Variants in SLC39A9 observed in about 807,000 individuals in gnomAD.
The protein encoded by SLC39A9 is zinc transporter ZIP9.
In SLC39A9, 14 loss-of-function variants were observed where a neutral mutation model predicts 28.4. The ratio of observed to expected loss-of-function variants is 0.49; its 90% CI spans 0.33 to 0.77. The LOEUF (loss-of-function observed/expected upper bound fraction) is 0.77, where lower values mean the gene tolerates loss of function less well. Among genes scored for constraint, SLC39A9 ranks in the 30% least tolerant of loss-of-function variants. The pLI is 0.02. For missense variants in SLC39A9, 283 were observed against 381.1 expected, an observed-to-expected ratio of 0.74 and a Z score of 2.14; for synonymous variants, 119 against 149.6, an observed-to-expected ratio of 0.80 and a Z score of 1.49.
At chr14:69,401,973 T>C (rs1882659105) in intron 1 of SLC39A9, among the ~76,000 whole-genome samples, 1 of 152,142 alleles carries the variant, frequency 6.6e-6, no homozygotes, top group Non-Finnish European at 1.5e-5. Context: ...TTTGTAAAAA[T>C]AAATTTCATT....
At chr14:69,436,605 A>G (rs1302830695) in intron 2 of SLC39A9, among the ~76,000 whole-genome samples, 1 of 152,120 alleles carries the variant, frequency 6.6e-6, no homozygotes, top group Non-Finnish European at 1.5e-5. Context: ...TGAGTTTTCA[A>G]AGCCTTTACA....
At chr14:69,405,776 A>T (rs1381471068) in intron 1 of SLC39A9, among the ~76,000 whole-genome samples, 1 of 152,194 alleles carries the variant, frequency 6.6e-6, no homozygotes, top group Non-Finnish European at 1.5e-5. Flanking sequence ...TATTTTCCTG[A>T]AAAACTTTGT....
chr14:69,437,029 G>C (rs558813490), intron 2 of SLC39A9, among the ~76,000 whole-genome samples: 8 of 151,976 alleles, frequency 5.3e-5, no homozygotes, highest in Non-Finnish European at 1.5e-5. Context: ...CACCACACCC[G>C]GCTAATTTTT....
chr14:69,445,539 G>A (rs1378679127), intron 3 of SLC39A9, among the ~76,000 whole-genome samples: 3 of 152,098 alleles, frequency 2.0e-5, no homozygotes, highest in African/African-American at 4.8e-5. Context: ...TAGGCTATTA[G>A]TGGTTAAGTT....
chr14:69,412,435 A>AAATAAATG, intron 1 of SLC39A9, among the ~76,000 whole-genome samples: 1 of 148,124 alleles, frequency 6.8e-6, no homozygotes, highest in African/African-American at 2.5e-5. Flanking sequence ...ATAAATAAAT[A>AAATAAATG]AATGTATCTG....
intron 1 of SLC39A9, among the ~76,000 whole-genome samples, chr14:69,401,708 T>A (rs1318250461): frequency 1.3e-5 from 2 of 152,218 alleles, no homozygotes; most frequent in Non-Finnish European, 2.9e-5. Context: ...GTGGCTTTCT[T>A]AAATTGACGG....
At chr14:69,414,293 T>C (rs889745779) in intron 1 of SLC39A9, among the ~76,000 whole-genome samples, 10 of 152,168 alleles carry the variant, frequency 6.6e-5, no homozygotes, top group Non-Finnish European at 1.5e-4. Flanking sequence ...TTTTAAAACT[T>C]ATCTCAATGT....
At chr14:69,427,436 A>T (rs8016618) in intron 2 of SLC39A9, among the ~76,000 whole-genome samples, 28,485 of 152,112 alleles carry the variant, frequency 0.19, 2,800 homozygotes, top group South Asian at 0.26. Flanking sequence ...TAAATTTTTT[A>T]AAAAATATTT....
In SLC39A9 at chr14:69,402,231, A is replaced by G. The variant is rs1305979646; in HGVS notation, c.96+2766A>G. Among the ~76,000 whole-genome samples the G allele has an allele frequency of 2.6e-5, 4 of 151,748 alleles. No individual in the cohort carries two copies. In the East Asian group the frequency reaches 7.7e-4, roughly 29 times the overall value. On this transcript the variant is annotated intron_variant, in intron 1 of 6. Transcript: ENST00000336643. Reference sequence around the variant, plus strand: ...ACTAAGATAGGTGATGAGCTAAAAAAAAAAAATGCAAAAAAAAACTCATAA... The same window carrying G: ...ACTAAGATAGGTGATGAGCTAAAAAGAAAAAATGCAAAAAAAAACTCATAA...
At chr14:69,410,028 C>G (rs1045058954) in intron 1 of SLC39A9, among the ~76,000 whole-genome samples, 1 of 152,126 alleles carries the variant, frequency 6.6e-6, no homozygotes, top group African/African-American at 2.4e-5. Context: ...TATTTGTTGG[C>G]AATGCTTTTC....
At chr14:69,403,731 C>T (rs1452589323) in intron 1 of SLC39A9, among the ~76,000 whole-genome samples, 2 of 152,034 alleles carry the variant, frequency 1.3e-5, no homozygotes, top group African/African-American at 4.8e-5. Context: ...GTTATAATGC[C>T]ACATTTTTCA....
At chr14:69,408,101 T>G (rs968039777) in intron 1 of SLC39A9, among the ~76,000 whole-genome samples, 1 of 151,180 alleles carries the variant, frequency 6.6e-6, no homozygotes, top group African/African-American at 2.4e-5. Flanking sequence ...ACAACCTCTC[T>G]CTTTGGGTTC....
chr14:69,442,027 G>A, intron 2 of SLC39A9, 42 bp from the exon 3 acceptor site: 1 of 1,586,858 alleles, frequency 6.3e-7, no homozygotes, highest in Non-Finnish European at 8.6e-7. Flanking sequence ...AATGTTTTTA[G>A]GGGAAAAACA....
chr14:69,408,260 G>A (rs1241898535), intron 1 of SLC39A9, among the ~76,000 whole-genome samples: 7 of 151,824 alleles, frequency 4.6e-5, no homozygotes, highest in African/African-American at 1.5e-4. Flanking sequence ...TGATCAGCCC[G>A]CCTTGGCCTC....
rs1052674600 is a variant in SLC39A9, at chr14:69,459,836, T to C, written c.*1243T>C. Reference sequence around the variant, plus strand: ...TTAATATTTGTGTGGGATGAATTCTTATCAGGACAACCACTTCTCGAACTG... The same window carrying C: ...TTAATATTTGTGTGGGATGAATTCTCATCAGGACAACCACTTCTCGAACTG... On this transcript the variant is annotated 3_prime_UTR_variant, in exon 7 of 7. Transcript: ENST00000336643. 120 of 985,276 alleles carry C rather than the reference T, an allele frequency of 1.2e-4. No individual in the cohort carries two copies. Among genetic ancestry groups the C allele is most frequent in the Middle Eastern group, 5.2e-4 (1 of 1,936 alleles). 61.0% of individuals were successfully genotyped at this position (985,276 alleles called of 1,614,324 possible). A position where few individuals can be genotyped will look rare whatever the true frequency, so the allele number is the denominator to read the frequency against.
chr14:69,442,117 AAGC>A lies in SLC39A9; in HGVS notation c.260_262del (p.Ala87del). 1 of 1,614,210 alleles carries A rather than the reference AAGC, an allele frequency of 6.2e-7. No homozygotes were observed. Among genetic ancestry groups the A allele is most frequent in the Non-Finnish European group, 8.5e-7 (1 of 1,180,024 alleles). ...ACACATAATGTGATTGCATCAGACA[AAGC>A]AGCAGAAAAATCAGTTGTCCATGAA... On this transcript the variant is annotated inframe_deletion, in exon 3 of 7. Coordinates refer to ENST00000336643, the MANE Select transcript of SLC39A9 (RefSeq NM_018375.5).
chr14:69,416,933 C>G (rs1466142833), intron 1 of SLC39A9, among the ~76,000 whole-genome samples: 1 of 152,164 alleles, frequency 6.6e-6, no homozygotes, highest in Non-Finnish European at 1.5e-5. Context: ...CCTGTTCACT[C>G]TGATGGTAGT....
At chr14:69,442,913 G>A (rs1022436535) in intron 3 of SLC39A9, among the ~76,000 whole-genome samples, 1 of 152,104 alleles carries the variant, frequency 6.6e-6, no homozygotes, top group African/African-American at 2.4e-5. Flanking sequence ...TATTGGTGTA[G>A]AAAATCTTGA....
At position 69,424,876 on chromosome 14, in the gene SLC39A9, A is replaced by G. The variant is rs1042140788; in HGVS notation, c.205+674A>G. 1.3e-5 allele frequency among the ~76,000 whole-genome samples: 2 copies of G among 152,236 alleles called. 1 individual carries two copies. The highest frequency in any genetic ancestry group is 2.9e-5 in the Non-Finnish European group (2 of 68,032). ...GTTAAATCCATGAGCTGAATCCTCA[A>G]GTACCAAGTCTACCAGATGTTAAGA... On this transcript the variant is annotated intron_variant, in intron 2 of 6. Transcript: ENST00000336643.
Sources: gnomAD v4.1 joint callset for allele counts (sites outside exome capture counted in the v4.1 genomes callset) on GRCh38, gnomAD v4.1.1 for gene constraint, MANE v1.5 for transcripts, NCBI Gene and HGNC (gene_info 2026-07-23, HGNC 2026-07-21) for gene names.